ST8SIA4: variants seen among roughly 807,000 people sequenced by gnomAD.
ST8SIA4 encodes CMP-N-acetylneuraminate-poly-alpha-2,8-sialyltransferase.
A neutral mutation model predicts 33.9 loss-of-function variants in ST8SIA4; 15 were observed. The ratio of observed to expected loss-of-function variants is 0.44; its 90% CI spans 0.30 to 0.68. ST8SIA4 has a LOEUF of 0.68. ST8SIA4 is among the 30% of genes least tolerant of loss of function. The pLI, the probability that ST8SIA4 is intolerant of heterozygous loss-of-function variation, is 0.10. For synonymous variants in ST8SIA4, 171 were observed against 151.2 expected, an observed-to-expected ratio of 1.13 and a Z score of -0.96; for missense variants, 321 against 428.0, an observed-to-expected ratio of 0.75 and a Z score of 2.21.
chr5:100,829,394 C>G (rs1751206787), intron 4 of ST8SIA4, among the ~76,000 whole-genome samples: 1 of 152,138 alleles, frequency 6.6e-6, no homozygotes, highest in Non-Finnish European at 1.5e-5. Context: ...CCCTTCACTC[C>G]TCCCAACTAT....
chr5:100,895,162 T>C (rs1346503019), intron 2 of ST8SIA4, among the ~76,000 whole-genome samples: 1 of 152,012 alleles, frequency 6.6e-6, no homozygotes, highest in Non-Finnish European at 1.5e-5. Context: ...AGAAAGCTTA[T>C]TTTCTGATTT....
chr5:100,870,993 C>T (rs185455611), intron 3 of ST8SIA4, among the ~76,000 whole-genome samples: 25 of 152,084 alleles, frequency 1.6e-4, no homozygotes, highest in Non-Finnish European at 3.2e-4. Flanking sequence ...AGTGGTTATT[C>T]GTTTTAGTAG....
chr5:100,855,937 C>T (rs1053039759), intron 4 of ST8SIA4, among the ~76,000 whole-genome samples, 166 bp downstream of exon 4: 5 of 152,236 alleles, frequency 3.3e-5, no homozygotes, highest in East Asian at 1.9e-4. Context: ...AAAATCATAT[C>T]GTACATAAAC....
At chr5:100,860,460 C>A (rs550145422) in intron 3 of ST8SIA4, among the ~76,000 whole-genome samples, 2 of 152,294 alleles carry the variant, frequency 1.3e-5, no homozygotes, top group South Asian at 4.1e-4. Context: ...AATCTGTTAG[C>A]TGTCTTTTCT....
At chr5:100,848,078 A>C (rs1474939762) in intron 4 of ST8SIA4, among the ~76,000 whole-genome samples, 1 of 152,058 alleles carries the variant, frequency 6.6e-6, no homozygotes. Context: ...AATGTAAAAC[A>C]ATATCTACTT....
At chr5:100,898,652 A>T (rs1752830822) in intron 1 of ST8SIA4, among the ~76,000 whole-genome samples, 2 of 152,172 alleles carry the variant, frequency 1.3e-5, no homozygotes, top group South Asian at 4.1e-4. Flanking sequence ...TCTCTGTATA[A>T]AGTTAAATGG....
intron 4 of ST8SIA4, among the ~76,000 whole-genome samples, chr5:100,834,121 C>T (rs941585796): frequency 5.3e-5 from 8 of 152,078 alleles, no homozygotes; most frequent in Admixed American, 3.9e-4. Context: ...TCTAAATATA[C>T]ATGCATTTAT....
intron 4 of ST8SIA4, among the ~76,000 whole-genome samples, chr5:100,831,026 AG>A: frequency 6.6e-6 from 1 of 152,262 alleles, no homozygotes; most frequent in Non-Finnish European, 1.5e-5. Flanking sequence ...ACATACATAT[AG>A]GACTTATAAT....
At chr5:100,878,859 G>A (rs576457502) in intron 3 of ST8SIA4, among the ~76,000 whole-genome samples, 9 of 152,124 alleles carry the variant, frequency 5.9e-5, no homozygotes, top group African/African-American at 2.2e-4. Flanking sequence ...GATTTTTTGT[G>A]GTAAATCAGA....
intron 1 of ST8SIA4, among the ~76,000 whole-genome samples, chr5:100,902,088 C>G (rs1752931145): frequency 6.6e-6 from 1 of 152,162 alleles, no homozygotes; most frequent in Non-Finnish European, 1.5e-5. Flanking sequence ...AGTTGCACCA[C>G]CTCCTGGGTA....
intron 4 of ST8SIA4, among the ~76,000 whole-genome samples, chr5:100,836,707 C>T (rs987915172): frequency 4.0e-5 from 6 of 151,676 alleles, no homozygotes; most frequent in Non-Finnish European, 7.4e-5. Context: ...TTAAAGAAAA[C>T]GAAATTTAAA....
chr5:100,901,207 T>C (rs972170788), intron 1 of ST8SIA4, among the ~76,000 whole-genome samples: 1 of 152,300 alleles, frequency 6.6e-6, no homozygotes, highest in South Asian at 2.1e-4. Flanking sequence ...GGCTCGGAGA[T>C]GGACACCTCG....
chr5:100,823,685 A>G (rs1413431036), intron 4 of ST8SIA4, among the ~76,000 whole-genome samples: 1 of 152,234 alleles, frequency 6.6e-6, no homozygotes, highest in Admixed American at 6.5e-5. Context: ...AAACTCCAAT[A>G]GTTACTTTTT....
chr5:100,814,818 T>C (rs1047761667), intron 4 of ST8SIA4, among the ~76,000 whole-genome samples: 3 of 151,960 alleles, frequency 2.0e-5, no homozygotes, highest in Non-Finnish European at 4.4e-5. Flanking sequence ...TTTAATTCTG[T>C]CAGCATAATT....
chr5:100,866,087 C>T (rs964645693), intron 3 of ST8SIA4, among the ~76,000 whole-genome samples: 1 of 152,096 alleles, frequency 6.6e-6, no homozygotes, highest in African/African-American at 2.4e-5. Context: ...GAATTAAGAA[C>T]CAAACCTTAG....
intron 4 of ST8SIA4, among the ~76,000 whole-genome samples, chr5:100,840,852 T>C (rs893069899): frequency 6.6e-6 from 1 of 151,572 alleles, no homozygotes; most frequent in Non-Finnish European, 1.5e-5. Context: ...CAAATGAAGA[T>C]AGTTTGTTTT....
At chr5:100,870,536 ATCTT>A (rs1366163050) in intron 3 of ST8SIA4, among the ~76,000 whole-genome samples, 4 of 152,318 alleles carry the variant, frequency 2.6e-5, no homozygotes, top group Non-Finnish European at 5.9e-5. Flanking sequence ...CATTTTAAAA[ATCTT>A]TGTTAGACTG....
chr5:100,875,485 A>G (rs2112461264), intron 3 of ST8SIA4, among the ~76,000 whole-genome samples: 1 of 152,298 alleles, frequency 6.6e-6, no homozygotes, highest in East Asian at 1.9e-4. Flanking sequence ...TTCTCTTTCA[A>G]ACATTCTATT....
chr5:100,878,855 T>C (rs1483642034), intron 3 of ST8SIA4, among the ~76,000 whole-genome samples: 1 of 152,180 alleles, frequency 6.6e-6, no homozygotes, highest in African/African-American at 2.4e-5. Context: ...ATCTGATTTT[T>C]TGTGGTAAAT....
Sources: gnomAD v4.1 joint callset for allele counts (sites outside exome capture counted in the v4.1 genomes callset) on GRCh38, gnomAD v4.1.1 for gene constraint, MANE v1.5 for transcripts, NCBI Gene and HGNC (gene_info 2026-07-23, HGNC 2026-07-21) for gene names.